The following CTCFL variants were observed in gnomAD, a reference collection of about 807,000 sequenced individuals.
CTCFL encodes the protein CCCTC-binding factor like, also known as transcriptional repressor CTCFL.
A neutral mutation model predicts 67.4 loss-of-function variants in CTCFL; 36 were observed. That is an observed-to-expected ratio of 0.53 (90% CI 0.41 to 0.71). The LOEUF (loss-of-function observed/expected upper bound fraction) is 0.71. CTCFL is among the 30% of genes least tolerant of loss of function. The probability of loss-of-function intolerance (pLI) is 0.00; values close to 1 mark genes in which losing one functional copy is unlikely to be tolerated. For synonymous variants in CTCFL, 324 were observed against 302.3 expected (o/e 1.07, Z -0.75); for missense variants, 786 against 835.2 (o/e 0.94, Z 0.73).
At chr20:57,518,539 T>C in intron 5 of CTCFL, 1 of 1,421,214 alleles carries the variant, frequency 7.0e-7, no homozygotes, top group Non-Finnish European at 9.2e-7. Context: ...TGTAAACCTT[T>C]ACATATTATT....
chr20:57,507,849 A>C, intron 9 of CTCFL: 1 of 703,098 alleles, frequency 1.4e-6, no homozygotes, highest in Non-Finnish European at 2.6e-6. Context: ...GTAATCTGTC[A>C]TACAGAAATA....
Position 57,498,267 on chromosome 20 carries a change from T to G in CTCFL, c.*283A>C, listed in dbSNP as rs1175704418. Reference sequence around the variant, plus strand: ...TACCCTCTCATTCAAGGTTTAAAACTTTTATAAAATACCTGCAATGTTTCT... The same window carrying G: ...TACCCTCTCATTCAAGGTTTAAAACGTTTATAAAATACCTGCAATGTTTCT... On this transcript the variant is annotated 3_prime_UTR_variant, in exon 11 of 11. Coordinates refer to ENST00000243914, the MANE Select transcript of CTCFL (RefSeq NM_001386993.1). The G allele has an allele frequency of 9.3e-7, 1 of 1,073,222 alleles. No homozygotes were observed. The highest frequency in any genetic ancestry group is 1.7e-5 in the African/African-American group (1 of 59,932). 66.5% of individuals were successfully genotyped at this position (1,073,222 alleles called of 1,614,324 possible). A position where few individuals can be genotyped will look rare whatever the true frequency, so the allele number is the denominator to read the frequency against.
chr20:57,507,535 A>G (rs1325661981), intron 9 of CTCFL: 2 of 699,582 alleles, frequency 2.9e-6, no homozygotes, highest in Non-Finnish European at 2.6e-6. Context: ...AAAAGGCACC[A>G]TGGCTTCCTA....
chr20:57,521,734 G>A (rs182894271), intron 3 of CTCFL, among the ~76,000 whole-genome samples: 48 of 152,296 alleles, frequency 3.2e-4, no homozygotes, highest in Middle Eastern at 3.4e-3. Flanking sequence ...TTATTACTTA[G>A]CCATTAAAAA....
chr20:57,523,868 T>C lies in CTCFL; in HGVS notation c.338A>G (p.Gln113Arg), dbSNP rs201137850. 1 of 1,613,202 alleles carries C rather than the reference T, an allele frequency of 6.2e-7. No individual in the cohort carries two copies. The highest frequency in any genetic ancestry group is 2.2e-5 in the East Asian group (1 of 44,892). ...CCACAGCAACCCAGGGCCAGGCTGT[T>C]GCACCACCACCTGCACCCCTTCTTG... is the stretch of plus-strand genomic sequence containing the variant. The part of the protein sequence containing the change: ...QQQEGVQVVV[Q>R]QPGPGLLWLE... The change falls in exon 2 of 11, where the codon CAA becomes CGA. Residue 113 changes from glutamine (Q) to arginine (R), a missense_variant. By Grantham distance (43) the Gln-to-Arg change is conservative. Around this residue, in one of 3 missense-constraint regions of CTCFL, gnomAD observed 333 missense variants for 304.6 expected, o/e 1.09. Coordinates refer to ENST00000243914, the MANE Select transcript of CTCFL (RefSeq NM_001386993.1).
At chr20:57,521,658 G>C (rs147526526) in intron 3 of CTCFL, among the ~76,000 whole-genome samples, 271 of 152,304 alleles carry the variant, frequency 1.8e-3, no homozygotes, top group African/African-American at 6.3e-3. Flanking sequence ...GCTGAAAGGT[G>C]GACACAATTG....
intron 1 of CTCFL, 39 bp downstream of exon 1, chr20:57,524,989 G>C (rs1240415436): frequency 6.5e-6 from 1 of 153,418 alleles, no homozygotes. Flanking sequence ...CATGCTCTTG[G>C]AGGAGAGCAG....
Position 57,518,509 on chromosome 20 carries a change from C to T in CTCFL, c.1059+249G>A, listed in dbSNP as rs1044391472. On this transcript the variant is annotated intron_variant, in intron 5 of 10. Coordinates refer to ENST00000243914, the MANE Select transcript of CTCFL (RefSeq NM_001386993.1). ...AAATCTGGGACTTATTTCTTGACCACAGATGGTTTATTTGTAATTTGTAAA... is the reference window on the plus strand; with the variant it reads ...AAATCTGGGACTTATTTCTTGACCATAGATGGTTTATTTGTAATTTGTAAA... The T allele has an allele frequency of 2.1e-6, 3 of 1,408,462 alleles. No homozygotes were observed. In the Admixed American group the frequency reaches 8.8e-5, roughly 41 times the overall value. The allele number at this position is 1,408,462 out of a possible 1,614,324, so 87.2% of individuals were successfully genotyped here. A position where few individuals can be genotyped will look rare whatever the true frequency, so the allele number is the denominator to read the frequency against.
intron 9 of CTCFL, chr20:57,507,603 G>A (rs1365324141): frequency 7.1e-6 from 5 of 703,032 alleles, no homozygotes; most frequent in South Asian, 4.4e-5. Flanking sequence ...CTGCAGAGAG[G>A]TCCCTGTAGC....
At chr20:57,511,683 C>T (rs1055379153) in intron 8 of CTCFL, among the ~76,000 whole-genome samples, 16 of 151,834 alleles carry the variant, frequency 1.1e-4, no homozygotes, top group Non-Finnish European at 2.4e-4. Context: ...CCTCTGCCTC[C>T]CAGGTTCAAG....
chr20:57,507,159 C>A, intron 9 of CTCFL: 1 of 488,268 alleles, frequency 2.0e-6, no homozygotes, highest in Non-Finnish European at 2.7e-6. Context: ...GTGGGTGGGA[C>A]TTCATGGTTC....
chr20:57,521,837 CAT>C (rs753593683), intron 3 of CTCFL, among the ~76,000 whole-genome samples: 18 of 152,162 alleles, frequency 1.2e-4, no homozygotes, highest in Non-Finnish European at 1.9e-4. Context: ...ACATGGTATA[CAT>C]ATATGATTCA....
chr20:57,524,128 GCCTTTTTCCGGC>G lies in CTCFL; in HGVS notation c.66_77del (p.Met22_Gly26delinsIle). 6.2e-7 allele frequency: 1 copy of G among 1,613,438 alleles called. No individual in the cohort carries two copies. The highest frequency in any genetic ancestry group is 8.5e-7 in the Non-Finnish European group (1 of 1,179,944). On this transcript the variant is annotated inframe_deletion, in exon 2 of 11. Coordinates refer to ENST00000243914, the MANE Select transcript of CTCFL (RefSeq NM_001386993.1). ...CTCCGTCTTTTTCCTCCTCCTTCAGGCCTTTTTCCGGCATCAACTCGAGTTCTTTGATCTTGG... is the reference window on the plus strand; with the variant it reads ...CTCCGTCTTTTTCCTCCTCCTTCAGGATCAACTCGAGTTCTTTGATCTTGG...
At chr20:57,496,642 G>A (rs530430691), downstream of CTCFL, among the ~76,000 whole-genome samples, 10 of 152,192 alleles carry the variant, frequency 6.6e-5, no homozygotes, top group Non-Finnish European at 1.2e-4. Flanking sequence ...TCACTTTACC[G>A]TCTGTCTCTA....
rs772867909 is a variant in CTCFL at position 57,503,610 on chromosome 20, G to T, written c.1675-9C>A. 1.1e-5 allele frequency: 18 copies of T among 1,613,846 alleles called. No individual in the cohort carries two copies. In the East Asian group the frequency reaches 3.8e-4, roughly 34 times the overall value. On this transcript the variant is annotated splice_polypyrimidine_tract_variant and intron_variant, in intron 9 of 10. Transcript: ENST00000243914. ...TGTCTGTGCAGGTTAATCTGTCGGA[G>T]AATTGACACAGAACACACAAGGCGA... is the stretch of plus-strand genomic sequence containing the variant.
chr20:57,509,234 A>C (rs966255976), intron 8 of CTCFL, among the ~76,000 whole-genome samples: 1 of 152,120 alleles, frequency 6.6e-6, no homozygotes, highest in African/African-American at 2.4e-5. Flanking sequence ...CTTAAGTATC[A>C]ACATTTTTCC....
Position 57,498,225 on chromosome 20 carries a change from C to T in CTCFL, c.*325G>A, listed in dbSNP as rs62204256. 0.29 allele frequency: 290,463 copies of T among 1,013,394 alleles called. 43,354 individuals are homozygous for T. Among genetic ancestry groups the T allele is most frequent in the South Asian group, 0.38 (8,760 of 23,224 alleles). The allele number at this position is 1,013,394 out of a possible 1,614,324, so 62.8% of individuals were successfully genotyped here. On this transcript the variant is annotated 3_prime_UTR_variant, in exon 11 of 11. Coordinates refer to ENST00000243914, the MANE Select transcript of CTCFL (RefSeq NM_001386993.1). The stretch of plus-strand genomic sequence containing the variant: ...CCTTGCCAATATCAAGTGAATGAAT[C>T]CATAGGTTTGAGGTGTTACCCTCTC...
At chr20:57,500,115 G>C in intron 10 of CTCFL, 1 of 978,870 alleles carries the variant, frequency 1.0e-6, no homozygotes, top group Non-Finnish European at 1.2e-6. Flanking sequence ...GGTGGATGGA[G>C]GGAGACAAGA....
chr20:57,512,934 C>A (rs41310829), intron 7 of CTCFL, among the ~76,000 whole-genome samples, 182 bp from the exon 8 acceptor site: 8,357 of 152,230 alleles, frequency 0.055, 264 homozygotes, highest in Middle Eastern at 0.13. Context: ...TGGTGTCTGT[C>A]TACCAGATGC....
Sources: allele counts gnomAD v4.1 joint callset (sites outside exome capture counted in the v4.1 genomes callset), GRCh38; gene constraint gnomAD v4.1.1; regional missense constraint gnomAD v4.1.1; transcripts MANE v1.5; gene names NCBI Gene and HGNC (gene_info 2026-07-23, HGNC 2026-07-21).